Variants in BRIP1 observed in about 807,000 individuals in gnomAD.
BRIP1 encodes BRCA1 interacting DNA helicase 1, also known as Fanconi anemia group J protein.
In BRIP1, 88 loss-of-function variants were observed where a neutral mutation model predicts 119.7. That is an observed-to-expected ratio of 0.74 (90% CI 0.62 to 0.88). The LOEUF (loss-of-function observed/expected upper bound fraction) is 0.88. Ranked by LOEUF, BRIP1 falls within the 40% of genes least tolerant of loss-of-function variation. The probability of loss-of-function intolerance (pLI) is 0.00; values close to 1 mark genes in which losing one functional copy is unlikely to be tolerated. For missense variants in BRIP1, 1,259 were observed against 1,455.4 expected (o/e 0.87, Z 2.20); for synonymous variants, 443 against 496.5 (o/e 0.89, Z 1.43).
chr17:61,842,624 T>C lies in BRIP1; in HGVS notation c.627+4477A>G, dbSNP rs1476539862. On this transcript the variant is annotated intron_variant, in intron 6 of 19. Transcript: ENST00000259008. The surrounding 1 kb of genome is among the most constrained non-coding windows in gnomAD (Gnocchi z 5.1). Reference sequence around the variant, plus strand: ...AAAATAAAGATCAGAACTACAAATATGTAATATTATTAGTCGGTATTATAT... The same window carrying C: ...AAAATAAAGATCAGAACTACAAATACGTAATATTATTAGTCGGTATTATAT... 6.6e-6 allele frequency among the ~76,000 whole-genome samples: 1 copy of C among 152,152 alleles called. No individual in the cohort carries two copies. The highest frequency in any genetic ancestry group is 1.5e-5 in the Non-Finnish European group (1 of 68,042).
Position 61,743,212 on chromosome 17 carries a change from A to C in BRIP1, c.2258-78T>G. On this transcript the variant is annotated intron_variant, in intron 15 of 19. Coordinates refer to ENST00000259008, the MANE Select transcript of BRIP1 (RefSeq NM_032043.3). The surrounding 1 kb of genome is among the most constrained non-coding windows in gnomAD (Gnocchi z 4.3). ...GTCATTTTGAAAATACCTGATTTAT[A>C]ATTATAGTAATTACAGTAGCAAATT... The C allele has an allele frequency of 6.7e-7, 1 of 1,486,958 alleles. No individual in the cohort carries two copies. The highest frequency in any genetic ancestry group is 9.3e-7 in the Non-Finnish European group (1 of 1,072,950). The allele number at this position is 1,486,958 out of a possible 1,614,324, so 92.1% of individuals were successfully genotyped here.
rs1340592175 is a variant in BRIP1 at position 61,806,888 on chromosome 17, G to T, written c.918+1579C>A. Among the ~76,000 whole-genome samples, 1 of 152,128 alleles carries T rather than the reference G, an allele frequency of 6.6e-6. No individual in the cohort carries two copies. The highest frequency in any genetic ancestry group is 1.9e-4 in the East Asian group (1 of 5,196). On this transcript the variant is annotated intron_variant, in intron 7 of 19. Coordinates refer to ENST00000259008, the MANE Select transcript of BRIP1 (RefSeq NM_032043.3). The surrounding 1 kb of genome is among the most constrained non-coding windows in gnomAD (Gnocchi z 4.9). ...AATTTTTTGTATTTTTAGTAGAGAT[G>T]TGTTTTGCCATGTTGGCCAGGCCAG...
At chr17:61,747,662 G>T (rs2077075547) in intron 14 of BRIP1, among the ~76,000 whole-genome samples, 1 of 151,724 alleles carries the variant, frequency 6.6e-6, no homozygotes, top group South Asian at 2.1e-4. Flanking sequence ...GGACCTAAAT[G>T]GCCTCAATAC....
At position 61,809,979 on chromosome 17, in the gene BRIP1, A is replaced by G. The variant is rs1001661546; in HGVS notation, c.628-1222T>C. ...CCAGTCTCACTCAACCTTGTCCGCC[A>G]TTAAATATTACAATACATGATAGAA... On this transcript the variant is annotated intron_variant, in intron 6 of 19. Transcript: ENST00000259008. This position sits in a 1 kb window ranked among gnomAD's most constrained non-coding sequence, Gnocchi z 5.2. Among the ~76,000 whole-genome samples, 5 of 152,240 alleles carry G rather than the reference A, an allele frequency of 3.3e-5. No individual in the cohort carries two copies. Among genetic ancestry groups the G allele is most frequent in the Admixed American group, 6.5e-5 (1 of 15,286 alleles).
chr17:61,695,696 T>C lies in BRIP1; in HGVS notation c.2493-2184A>G, dbSNP rs564182986. ...TCAGTATACAGATCTTTCATCTCCT[T>C]AGTTAAGTATATTTCTAAGTATTTT... On this transcript the variant is annotated intron_variant, in intron 17 of 19. Coordinates refer to ENST00000259008, the MANE Select transcript of BRIP1 (RefSeq NM_032043.3). The surrounding 1 kb of genome is among the most constrained non-coding windows in gnomAD (Gnocchi z 4.3). Among the ~76,000 whole-genome samples, 4 of 152,220 alleles carry C rather than the reference T, an allele frequency of 2.6e-5. No homozygotes were observed. The East Asian group carries it at 5.8e-4, about 22-fold the overall frequency.
At position 61,689,839 on chromosome 17, in the gene BRIP1, C is replaced by G. The variant is rs901754926; in HGVS notation, c.2575+3591G>C. 6.6e-6 allele frequency among the ~76,000 whole-genome samples: 1 copy of G among 151,976 alleles called. No homozygotes were observed. The highest frequency in any genetic ancestry group is 2.4e-5 in the African/African-American group (1 of 41,386). ...TAGCCTGGGCAACATAGTGAGACCC[C>G]ATCTCTACAAAAAAAATTAAAAATT... On this transcript the variant is annotated intron_variant, in intron 18 of 19. Coordinates refer to ENST00000259008, the MANE Select transcript of BRIP1 (RefSeq NM_032043.3). This position sits in a 1 kb window ranked among gnomAD's most constrained non-coding sequence, Gnocchi z 4.5.
intron 14 of BRIP1, among the ~76,000 whole-genome samples, chr17:61,772,335 T>C (rs1211402983): frequency 1.3e-5 from 2 of 151,598 alleles, no homozygotes; most frequent in Non-Finnish European, 2.9e-5. Flanking sequence ...ATTCCACTTA[T>C]ATGAAGTAGC....
At chr17:61,712,279 T>C (rs1345594893) in intron 17 of BRIP1, among the ~76,000 whole-genome samples, 2 of 152,160 alleles carry the variant, frequency 1.3e-5, no homozygotes, top group East Asian at 3.9e-4. Flanking sequence ...AGTGGCGCAA[T>C]CTTAGCTCAA....
chr17:61,793,637 T>G lies in BRIP1; in HGVS notation c.1433A>C (p.His478Pro), dbSNP rs45501097. 2 of 1,608,880 alleles carry G rather than the reference T, an allele frequency of 1.2e-6. No individual in the cohort carries two copies. Among genetic ancestry groups the G allele is most frequent in the Non-Finnish European group, 1.7e-6 (2 of 1,177,182 alleles). ...AGTAGCAGTGGTGATACCCATTTTG[T>G]GTAAAGTTAAGAGCATTTCATTTCC... ...WSGNEMLLTL[H>P]KMGITTATFP... is the part of the protein sequence containing the mutation. Residue 478 changes from histidine (H) to proline (P), a missense_variant, in exon 10 of 20, where the codon CAC (histidine) becomes CCC (proline). Coordinates refer to ENST00000259008, the MANE Select transcript of BRIP1 (RefSeq NM_032043.3). The surrounding 1 kb of genome is among the most constrained non-coding windows in gnomAD (Gnocchi z 5.2).
intron 11 of BRIP1, among the ~76,000 whole-genome samples, chr17:61,781,966 C>T (rs2077628204): frequency 6.6e-6 from 1 of 151,076 alleles, no homozygotes; most frequent in African/African-American, 2.4e-5. Flanking sequence ...ACCATGTCTT[C>T]GCTATAGTAT....
At chr17:61,764,045 A>G (rs1166090672) in intron 14 of BRIP1, among the ~76,000 whole-genome samples, 1 of 152,202 alleles carries the variant, frequency 6.6e-6, no homozygotes, top group Non-Finnish European at 1.5e-5. Flanking sequence ...CATTGGTGAC[A>G]CCCATTCTGG....
At chr17:61,818,797 T>C (rs1347653346) in intron 6 of BRIP1, among the ~76,000 whole-genome samples, 1 of 152,110 alleles carries the variant, frequency 6.6e-6, no homozygotes, top group Non-Finnish European at 1.5e-5. Flanking sequence ...GATATACAAA[T>C]GGCAAACAGA....
At chr17:61,731,979 TTC>T (rs1491289336) in intron 16 of BRIP1, among the ~76,000 whole-genome samples, 46 of 132,040 alleles carry the variant, frequency 3.5e-4, no homozygotes, top group African/African-American at 1.4e-3. Context: ...CTTTCTTTCT[TTC>T]TTTTTTTTTT....
At chr17:61,750,622 G>C (rs575205981) in intron 14 of BRIP1, among the ~76,000 whole-genome samples, 1 of 150,518 alleles carries the variant, frequency 6.6e-6, no homozygotes, top group African/African-American at 2.4e-5. Context: ...ATATCCAGAA[G>C]ATATAAAGAA....
At chr17:61,797,350 G>A (rs1490497898) in intron 9 of BRIP1, among the ~76,000 whole-genome samples, 1 of 151,934 alleles carries the variant, frequency 6.6e-6, no homozygotes, top group East Asian at 1.9e-4. Flanking sequence ...AGATGTCACA[G>A]AAGCTAAGAC....
Position 61,847,148 on chromosome 17 carries a change from T to C in BRIP1, c.580A>G (p.Lys194Glu). 1 of 1,613,792 alleles carries C rather than the reference T, an allele frequency of 6.2e-7. No homozygotes were observed. Among genetic ancestry groups the C allele is most frequent in the Non-Finnish European group, 8.5e-7 (1 of 1,179,748 alleles). The change falls in exon 6 of 20, where the codon AAA becomes GAA. Residue 194 changes from lysine to glutamate, a missense_variant. By Grantham distance (56) the Lys-to-Glu change is moderately conservative. This residue lies in a region of BRIP1 where 501 missense variants were observed against 544.0 expected (regional missense o/e 0.92). Coordinates refer to ENST00000259008, the MANE Select transcript of BRIP1 (RefSeq NM_032043.3). The stretch of plus-strand genomic sequence containing the variant: ...ATCTTTTCCAGTGGAGAGTTGAGTT[T>C]TACAGTCTTTCCTGAATCAACTTTT... The part of the protein sequence containing the change: ...DAKVDSGKTV[K>E]LNSPLEKINS...
In BRIP1 at chr17:61,745,453, C is replaced by T. The variant is rs561717876; in HGVS notation, c.2098-862G>A. 1.1e-3 allele frequency among the ~76,000 whole-genome samples: 170 copies of T among 152,270 alleles called. No individual in the cohort carries two copies. Among genetic ancestry groups the T allele is most frequent in the African/African-American group, 3.5e-3 (144 of 41,562 alleles). On this transcript the variant is annotated intron_variant, in intron 14 of 19. Transcript: ENST00000259008. This position sits in a 1 kb window ranked among gnomAD's most constrained non-coding sequence, Gnocchi z 4.4. ...GCAAGATCATAGCTCAGTGCAGCCT[C>T]GAACTACTAGGCTCAGGCAATCCCT...
Position 61,680,962 on chromosome 17 carries a change from G to A in BRIP1, c.*2334C>T, listed in dbSNP as rs1056725970. Among the ~76,000 whole-genome samples the A allele has an allele frequency of 6.6e-6, 1 of 152,168 alleles. No homozygotes were observed. The highest frequency in any genetic ancestry group is 1.5e-5 in the Non-Finnish European group (1 of 68,014). On this transcript the variant is annotated 3_prime_UTR_variant, in exon 20 of 20. Coordinates refer to ENST00000259008, the MANE Select transcript of BRIP1 (RefSeq NM_032043.3). ...AGAGGTTTAATTGACTCACAGTTCT[G>A]CATGACTGAGGAGGCCTCAAGAAAC...
intron 16 of BRIP1, among the ~76,000 whole-genome samples, chr17:61,721,375 T>C (rs999131233): frequency 2.0e-5 from 3 of 149,624 alleles, no homozygotes; most frequent in Non-Finnish European, 4.4e-5. Context: ...GTTCAAGAGA[T>C]TCTCCTGCCT....
Sources: gnomAD v4.1 joint callset for allele counts (sites outside exome capture counted in the v4.1 genomes callset) on GRCh38, gnomAD v4.1.1 for gene constraint, gnomAD v4.1.1 regional missense constraint, Gnocchi (gnomAD v3.1) non-coding constraint, MANE v1.5 for transcripts, NCBI Gene and HGNC (gene_info 2026-07-23, HGNC 2026-07-21) for gene names.